CNTN4: variants seen among roughly 807,000 people sequenced by gnomAD.
CNTN4 encodes contactin 4, also known as contactin-4.
CNTN4 carries 77 observed loss-of-function variants against 122.5 expected under a neutral mutation model. That is an observed-to-expected ratio of 0.63 (90% confidence interval 0.52 to 0.76). The LOEUF (loss-of-function observed/expected upper bound fraction) is 0.76. CNTN4 is among the 30% of genes least tolerant of loss of function. The pLI, the probability that CNTN4 is intolerant of heterozygous loss-of-function variation, is 0.00. For synonymous variants in CNTN4, 512 were observed against 447.0 expected (o/e 1.15, Z -1.83); for missense variants, 1,256 against 1,259.1 (o/e 1.00, Z 0.04).
chr3:2,762,277 A>G lies in CNTN4; in HGVS notation c.358+16580A>G, dbSNP rs188660898. 2.9e-3 allele frequency among the ~76,000 whole-genome samples: 437 copies of G among 152,336 alleles called. 2 individuals are homozygous for G. Among genetic ancestry groups the G allele is most frequent in the Non-Finnish European group, 5.4e-3 (367 of 68,030 alleles). On this transcript the variant is annotated intron_variant, in intron 6 of 24. Transcript: ENST00000418658. ...TTTGTTACATAGGTAAACTTGTGTC[A>G]TGAGGGTTTGTTGTACAGATTATTT...
intron 3 of CNTN4, among the ~76,000 whole-genome samples, chr3:2,507,250 G>A (rs1010223085): frequency 3.0e-4 from 45 of 152,070 alleles, no homozygotes; most frequent in Non-Finnish European, 5.4e-4. Context: ...CAGATAATTC[G>A]TTGCTGTGGG....
Position 2,978,873 on chromosome 3 carries a change from C to T in CNTN4, c.1359-9472C>T, listed in dbSNP as rs147371373. ...TGCTTAAGCTGAGAAGTAGTCTTAC[C>T]GAAATATAAGTTAGTCGCTCACCCC... On this transcript the variant is annotated intron_variant, in intron 13 of 24. Transcript: ENST00000418658. 6.7e-3 allele frequency among the ~76,000 whole-genome samples: 1,027 copies of T among 152,212 alleles called. 10 individuals are homozygous for T. Among genetic ancestry groups the T allele is most frequent in the African/African-American group, 0.023 (969 of 41,518 alleles).
chr3:2,679,037 A>G (rs2085025321), intron 4 of CNTN4, among the ~76,000 whole-genome samples: 1 of 152,200 alleles, frequency 6.6e-6, no homozygotes, highest in South Asian at 2.1e-4. Flanking sequence ...AGTTCACTGA[A>G]TGTTCTGAAA....
intron 3 of CNTN4, among the ~76,000 whole-genome samples, chr3:2,498,690 C>T (rs2148984773): frequency 6.6e-6 from 1 of 152,184 alleles, no homozygotes; most frequent in Admixed American, 6.5e-5. Context: ...CCATGTTTCT[C>T]AGGCTGATAC....
chr3:2,611,893 C>T (rs1020997), intron 4 of CNTN4, among the ~76,000 whole-genome samples: 81,359 of 151,764 alleles, frequency 0.54, 22,238 homozygotes, highest in Middle Eastern at 0.63. Flanking sequence ...ATGAGTATTT[C>T]TTTTGATTGC....
chr3:2,925,125 C>T (rs2094461047), intron 12 of CNTN4, among the ~76,000 whole-genome samples: 1 of 152,184 alleles, frequency 6.6e-6, no homozygotes, highest in Admixed American at 6.5e-5. Flanking sequence ...CCAAACTGTA[C>T]ACACACAAAT....
intron 3 of CNTN4, among the ~76,000 whole-genome samples, chr3:2,406,372 G>T (rs1296423201): frequency 1.3e-5 from 2 of 152,136 alleles, no homozygotes; most frequent in African/African-American, 4.8e-5. Flanking sequence ...GGCTGCACCA[G>T]GCAAACCTAA....
intron 2 of CNTN4, among the ~76,000 whole-genome samples, chr3:2,248,753 A>G (rs1045030182): frequency 3.3e-5 from 5 of 151,996 alleles, no homozygotes; most frequent in African/African-American, 1.2e-4. Context: ...TGTGAAAAGA[A>G]AAGCCTGTTA....
chr3:2,497,156 A>T (rs1249699481), intron 3 of CNTN4, among the ~76,000 whole-genome samples: 1 of 152,152 alleles, frequency 6.6e-6, no homozygotes, highest in Non-Finnish European at 1.5e-5. Context: ...TTGACATATT[A>T]ATTTAACTAT....
chr3:2,278,276 C>G (rs1194847618), intron 2 of CNTN4, among the ~76,000 whole-genome samples: 2 of 152,142 alleles, frequency 1.3e-5, no homozygotes, highest in Admixed American at 6.5e-5. Flanking sequence ...ACTAAAAAAT[C>G]AACAGAGTTA....
chr3:2,490,251 G>A (rs1407350063), intron 3 of CNTN4, among the ~76,000 whole-genome samples: 1 of 152,210 alleles, frequency 6.6e-6, no homozygotes, highest in Admixed American at 6.5e-5. Flanking sequence ...TGCCGGTGTA[G>A]GCTGCACTTT....
intron 4 of CNTN4, among the ~76,000 whole-genome samples, chr3:2,664,998 A>G (rs1338703019): frequency 1.3e-5 from 2 of 152,180 alleles, no homozygotes; most frequent in Non-Finnish European, 2.9e-5. Context: ...TGAAATACCA[A>G]TAACAACCAT....
intron 3 of CNTN4, among the ~76,000 whole-genome samples, chr3:2,348,076 A>G (rs2044472176): frequency 2.0e-5 from 3 of 152,162 alleles, no homozygotes; most frequent in African/African-American, 7.2e-5. Flanking sequence ...TTAGTGAACT[A>G]CTTCCTTTCT....
At chr3:2,128,895 AGGAGCTAGATTTT>A (rs1327800360) in intron 2 of CNTN4, among the ~76,000 whole-genome samples, 2 of 152,218 alleles carry the variant, frequency 1.3e-5, no homozygotes, top group Admixed American at 6.5e-5. Context: ...ACTTTAACAA[AGGAGCTAGATTTT>A]GGTTTTACAG....
chr3:2,576,636 C>T (rs943379524), intron 4 of CNTN4, among the ~76,000 whole-genome samples: 1 of 150,908 alleles, frequency 6.6e-6, no homozygotes, highest in Non-Finnish European at 1.5e-5. Context: ...CAACCTCCAT[C>T]TCCCAGGTTC....
chr3:2,593,639 GA>G, intron 4 of CNTN4, among the ~76,000 whole-genome samples: 1 of 152,200 alleles, frequency 6.6e-6, no homozygotes, highest in Non-Finnish European at 1.5e-5. Context: ...GATCTTATAA[GA>G]ATGTTACTGC....
chr3:2,280,892 C>T (rs2041690088), intron 2 of CNTN4, among the ~76,000 whole-genome samples: 1 of 152,154 alleles, frequency 6.6e-6, no homozygotes, highest in African/African-American at 2.4e-5. Flanking sequence ...ATGCACGTCA[C>T]ACTGGCATCA....
chr3:2,138,039 T>G (rs1203476272), intron 2 of CNTN4, among the ~76,000 whole-genome samples: 1 of 151,710 alleles, frequency 6.6e-6, no homozygotes, highest in African/African-American at 2.4e-5. Flanking sequence ...AGCTGGAATG[T>G]GATCACCTCC....
intron 2 of CNTN4, among the ~76,000 whole-genome samples, chr3:2,281,435 G>A (rs1414001980): frequency 1.3e-5 from 2 of 152,000 alleles, no homozygotes; most frequent in Non-Finnish European, 2.9e-5. Context: ...ATCTTCTGGA[G>A]CTAAGCACTG....
Sources: gnomAD v4.1 joint callset for allele counts (sites outside exome capture counted in the v4.1 genomes callset) on GRCh38, gnomAD v4.1.1 for gene constraint, MANE v1.5 for transcripts, NCBI Gene and HGNC (gene_info 2026-07-23, HGNC 2026-07-21) for gene names.